XKR6: variants seen among roughly 807,000 people sequenced by gnomAD.
The protein encoded by XKR6 is XK related 6.
A neutral mutation model predicts 56.7 loss-of-function variants in XKR6; 22 were observed. That is an observed-to-expected ratio of 0.39 (90% CI 0.28 to 0.55). The LOEUF (loss-of-function observed/expected upper bound fraction) is 0.55, where lower values mean the gene tolerates loss of function less well. XKR6 is among the 20% of genes least tolerant of loss of function. XKR6 has a pLI of 0.66. For synonymous variants in XKR6, 524 were observed against 387.8 expected, an observed-to-expected ratio of 1.35 and a Z score of -4.13; for missense variants, 852 against 889.0, an observed-to-expected ratio of 0.96 and a Z score of 0.53.
At chr8:11,057,318 C>A (rs1039879598) in intron 1 of XKR6, among the ~76,000 whole-genome samples, 1 of 152,236 alleles carries the variant, frequency 6.6e-6, no homozygotes, top group Non-Finnish European at 1.5e-5. Context: ...CTCCCTCCCC[C>A]ACTAGAATGT....
chr8:10,977,821 A>G (rs551155260), intron 1 of XKR6, among the ~76,000 whole-genome samples: 2 of 151,918 alleles, frequency 1.3e-5, no homozygotes, highest in Non-Finnish European at 2.9e-5. Context: ...GGAAGGATCC[A>G]GTGAGCTAAT....
chr8:11,160,436 G>A (rs932238049), intron 1 of XKR6, among the ~76,000 whole-genome samples: 1 of 152,018 alleles, frequency 6.6e-6, no homozygotes, highest in African/African-American at 2.4e-5. Flanking sequence ...ATAAAAGGAA[G>A]AGACAGTGAA....
chr8:10,939,067 G>A (rs569032648), intron 1 of XKR6, among the ~76,000 whole-genome samples: 1 of 152,128 alleles, frequency 6.6e-6, no homozygotes, highest in Non-Finnish European at 1.5e-5. Context: ...CCCAGGACCT[G>A]CTTCTCCCAG....
chr8:11,173,386 C>CACAA (rs1802483358), intron 1 of XKR6, among the ~76,000 whole-genome samples: 4 of 149,562 alleles, frequency 2.7e-5, no homozygotes, highest in African/African-American at 9.8e-5. Flanking sequence ...CACACACACA[C>CACAA]AAATATATAT....
chr8:11,167,891 A>C lies in XKR6; in HGVS notation c.764+32685T>G, dbSNP rs1190738811. Among the ~76,000 whole-genome samples, 6 of 32,184 alleles carry C rather than the reference A, an allele frequency of 1.9e-4. No individual in the cohort carries two copies. In the African/African-American group the frequency reaches 2.8e-3, roughly 15 times the overall value. 21.1% of individuals were successfully genotyped at this position (32,184 alleles called of 152,430 possible). A position where few individuals can be genotyped will look rare whatever the true frequency, so the allele number is the denominator to read the frequency against. ...GTGACAGAGTAAGACCCCATCTCTT[A>C]AAAAAAAAAAAAAAAAAAAAACCAC... is the stretch of plus-strand genomic sequence containing the variant. On this transcript the variant is annotated intron_variant, in intron 1 of 2. Coordinates refer to ENST00000416569, the MANE Select transcript of XKR6 (RefSeq NM_173683.4).
chr8:11,058,280 T>C (rs1563109048), intron 1 of XKR6, among the ~76,000 whole-genome samples: 1 of 152,182 alleles, frequency 6.6e-6, no homozygotes, highest in African/African-American at 2.4e-5. Context: ...TCCTCAAGGA[T>C]CTAGTACCAG....
chr8:11,037,547 T>C (rs536879267), intron 1 of XKR6, among the ~76,000 whole-genome samples: 1 of 152,204 alleles, frequency 6.6e-6, no homozygotes. Context: ...TTCTCAATAC[T>C]GTGTTACACG....
chr8:10,942,411 G>C (rs1383863774), intron 1 of XKR6, among the ~76,000 whole-genome samples: 2 of 152,226 alleles, frequency 1.3e-5, no homozygotes, highest in African/African-American at 2.4e-5. Context: ...TCCACAGCCA[G>C]CCTGGATTGC....
At chr8:11,065,503 T>A (rs889004904) in intron 1 of XKR6, among the ~76,000 whole-genome samples, 9 of 152,204 alleles carry the variant, frequency 5.9e-5, no homozygotes, top group African/African-American at 2.2e-4. Context: ...GTGATGAGCG[T>A]CATATCAGCC....
At chr8:10,942,043 C>T (rs894725704) in intron 1 of XKR6, among the ~76,000 whole-genome samples, 3 of 152,182 alleles carry the variant, frequency 2.0e-5, no homozygotes, top group African/African-American at 7.2e-5. Context: ...CAGTTATCCC[C>T]TCTGAGGGAT....
chr8:10,955,921 C>T (rs550110682), intron 1 of XKR6, among the ~76,000 whole-genome samples: 7 of 152,308 alleles, frequency 4.6e-5, no homozygotes, highest in East Asian at 1.9e-4. Flanking sequence ...GGCCATGGGG[C>T]GATTCCTTGT....
chr8:10,959,654 G>T (rs754013891), intron 1 of XKR6, among the ~76,000 whole-genome samples: 1 of 152,120 alleles, frequency 6.6e-6, no homozygotes, highest in Non-Finnish European at 1.5e-5. Flanking sequence ...ATGACCTCAT[G>T]TAAACCCTTG....
At chr8:10,951,878 G>A (rs1438108943) in intron 1 of XKR6, among the ~76,000 whole-genome samples, 2 of 152,196 alleles carry the variant, frequency 1.3e-5, no homozygotes, top group Admixed American at 1.3e-4. Context: ...TTATGGGGAT[G>A]CCAGGTCGGG....
chr8:11,191,956 G>T (rs1345133491), intron 1 of XKR6, among the ~76,000 whole-genome samples: 2 of 152,058 alleles, frequency 1.3e-5, no homozygotes, highest in African/African-American at 4.8e-5. Context: ...TTTCATATTT[G>T]AGGTGAAGTA....
intron 1 of XKR6, among the ~76,000 whole-genome samples, chr8:10,988,535 C>G (rs11250103): frequency 0.3 from 45,398 of 152,030 alleles, 7,206 homozygotes; most frequent in Middle Eastern, 0.36. Flanking sequence ...ATCAGAAAGG[C>G]AAGGAATGCT....
rs971511988 is a variant in XKR6 at position 11,200,082 on chromosome 8, G to C, written c.764+494C>G. 1.3e-5 allele frequency among the ~76,000 whole-genome samples: 2 copies of C among 152,218 alleles called. No homozygotes were observed. Among genetic ancestry groups the C allele is most frequent in the Non-Finnish European group, 2.9e-5 (2 of 68,032 alleles). ...GGCGTGGAATCCAGGAGTGCTCGGA[G>C]GCGGCAGCAAGGGTTTTTCCACAGG... is the stretch of plus-strand genomic sequence containing the variant. On this transcript the variant is annotated intron_variant, in intron 1 of 2. Coordinates refer to ENST00000416569, the MANE Select transcript of XKR6 (RefSeq NM_173683.4). This position sits in a 1 kb window ranked among gnomAD's most constrained non-coding sequence, Gnocchi z 6.4.
intron 1 of XKR6, among the ~76,000 whole-genome samples, chr8:11,104,130 T>C (rs1250664768): frequency 6.6e-6 from 1 of 152,212 alleles, no homozygotes. Flanking sequence ...TCGGGCCTCC[T>C]AAGAAAACGT....
In XKR6 at chr8:10,897,953, T is replaced by C; in HGVS notation, c.1925A>G (p.Ter642=). The change falls in exon 3 of 3, where the codon TAA becomes TGA. Residue 642 remains the stop codon, a stop_retained_variant. Coordinates refer to ENST00000416569, the MANE Select transcript of XKR6 (RefSeq NM_173683.4). ...YELLQYESSL[*] is the part of the protein sequence containing the mutation. ...CTTCTCAACTTGGTCAAGATGCTCT[T>C]AGAGTGAAGACTCATACTGTAGCAA... The C allele has an allele frequency of 6.4e-7, 1 of 1,563,002 alleles. No homozygotes were observed. The highest frequency in any genetic ancestry group is 1.2e-5 in the South Asian group (1 of 82,474).
At chr8:11,118,414 T>C (rs1297735158) in intron 1 of XKR6, among the ~76,000 whole-genome samples, 2 of 152,250 alleles carry the variant, frequency 1.3e-5, no homozygotes, top group East Asian at 3.8e-4. Flanking sequence ...TCTGGTAGAA[T>C]TCATCTGTGA....
Sources: allele counts gnomAD v4.1 joint callset (sites outside exome capture counted in the v4.1 genomes callset), GRCh38; gene constraint gnomAD v4.1.1; non-coding constraint Gnocchi (gnomAD v3.1); transcripts MANE v1.5; gene names NCBI Gene and HGNC (gene_info 2026-07-23, HGNC 2026-07-21).